Variants in EYS observed in about 807,000 individuals in gnomAD.
The protein encoded by EYS is protein eyes shut homolog.
EYS carries 250 observed loss-of-function variants against 282.1 expected under a neutral mutation model. The observed-to-expected ratio is 0.89, with a 90% CI of 0.80 to 0.98. The LOEUF is 0.98. Ranked by LOEUF, EYS falls within the 50% of genes least tolerant of loss-of-function variation. The pLI is 0.00. For missense variants in EYS, 4,016 were observed against 3,709.0 expected, an observed-to-expected ratio of 1.08 and a Z score of -2.15; for synonymous variants, 1,355 against 1,282.9, an observed-to-expected ratio of 1.06 and a Z score of -1.20.
intron 12 of EYS, among the ~76,000 whole-genome samples, chr6:65,066,826 C>G (rs182785236): frequency 2.0e-4 from 30 of 152,154 alleles, no homozygotes; most frequent in African/African-American, 6.3e-4. Context: ...TGTGAAGATA[C>G]TAATGATATA....
intron 4 of EYS, chr6:65,491,636 T>C (rs1419110103): frequency 2.5e-6 from 1 of 404,714 alleles, no homozygotes. Context: ...ATAAAAATCA[T>C]TGTGTTTCAA....
intron 15 of EYS, among the ~76,000 whole-genome samples, chr6:64,938,663 A>G (rs1412137756): frequency 6.6e-6 from 1 of 151,658 alleles, no homozygotes; most frequent in Admixed American, 6.6e-5. Flanking sequence ...AATTTATTAT[A>G]AAATAGGAAT....
chr6:64,806,505 C>A (rs940120386), intron 22 of EYS, among the ~76,000 whole-genome samples: 1 of 151,960 alleles, frequency 6.6e-6, no homozygotes, highest in African/African-American at 2.4e-5. Flanking sequence ...TTCACTTTTA[C>A]TGATTTTCCT....
chr6:65,107,294 C>CG (rs1775067184), intron 12 of EYS, among the ~76,000 whole-genome samples: 2 of 129,854 alleles, frequency 1.5e-5, no homozygotes, highest in Non-Finnish European at 3.2e-5. Context: ...GTCTGGGTTG[C>CG]ATTTTTTTTT....
chr6:65,651,412 T>C (rs1332929290), intron 1 of EYS, among the ~76,000 whole-genome samples: 2 of 152,102 alleles, frequency 1.3e-5, no homozygotes, highest in Non-Finnish European at 2.9e-5. Context: ...ACAATGTTTA[T>C]ATTAATTCAA....
At chr6:64,241,676 TG>T in intron 30 of EYS, among the ~76,000 whole-genome samples, 1 of 152,060 alleles carries the variant, frequency 6.6e-6, no homozygotes, top group Non-Finnish European at 1.5e-5. Context: ...TGTGTGTGTG[TG>T]TGTGTCTCTT....
intron 33 of EYS, among the ~76,000 whole-genome samples, chr6:64,051,689 T>C (rs981826548): frequency 4.6e-5 from 7 of 152,162 alleles, no homozygotes; most frequent in African/African-American, 1.4e-4. Context: ...ATGATTGTTC[T>C]TATAAACAGA....
At chr6:64,369,928 G>A (rs922708360) in intron 29 of EYS, among the ~76,000 whole-genome samples, 2 of 151,726 alleles carry the variant, frequency 1.3e-5, no homozygotes, top group African/African-American at 4.8e-5. Context: ...GGAGCTTTAG[G>A]GCAGAGACTA....
chr6:65,360,199 AATT>A (rs1234894452), intron 8 of EYS, among the ~76,000 whole-genome samples: 1 of 151,904 alleles, frequency 6.6e-6, no homozygotes, highest in African/African-American at 2.4e-5. Context: ...AGTACTAATA[AATT>A]ATTAACAGAT....
At chr6:64,475,348 G>A (rs1240349381) in intron 26 of EYS, among the ~76,000 whole-genome samples, 1 of 130,894 alleles carries the variant, frequency 7.6e-6, no homozygotes, top group Non-Finnish European at 1.7e-5. Context: ...TCAGGAGATC[G>A]AGACCATCCC....
intron 5 of EYS, among the ~76,000 whole-genome samples, chr6:65,477,595 G>A (rs1327640330): frequency 1.3e-5 from 2 of 152,024 alleles, no homozygotes; most frequent in African/African-American, 4.8e-5. Context: ...ATTCTACAAG[G>A]GAAGCCAATT....
chr6:63,756,786 C>A (rs1427257206), intron 41 of EYS, among the ~76,000 whole-genome samples: 1 of 152,118 alleles, frequency 6.6e-6, no homozygotes, highest in Non-Finnish European at 1.5e-5. Flanking sequence ...TAATTTCTTG[C>A]ACTTGTCTTT....
chr6:64,903,212 C>A (rs1160189868), intron 16 of EYS, among the ~76,000 whole-genome samples: 1 of 151,888 alleles, frequency 6.6e-6, no homozygotes, highest in Admixed American at 6.6e-5. Flanking sequence ...ATGTGTAAAA[C>A]CATTTTTCTT....
chr6:64,274,335 G>C (rs972980301), intron 30 of EYS, among the ~76,000 whole-genome samples: 1 of 151,628 alleles, frequency 6.6e-6, no homozygotes. Context: ...CCACCACGCC[G>C]GGCTAATTTT....
chr6:65,396,261 T>G, intron 7 of EYS, among the ~76,000 whole-genome samples: 1 of 152,200 alleles, frequency 6.6e-6, no homozygotes, highest in East Asian at 1.9e-4. Flanking sequence ...TGCTCTATAC[T>G]ACCATAATAT....
At chr6:65,052,775 G>T (rs544194367) in intron 13 of EYS, among the ~76,000 whole-genome samples, 1 of 151,550 alleles carries the variant, frequency 6.6e-6, no homozygotes, top group African/African-American at 2.4e-5. Context: ...AAAGAAATAC[G>T]TATTTGAAAT....
chr6:64,499,438 ATTTTGT>A (rs1234520477), intron 26 of EYS, among the ~76,000 whole-genome samples: 1 of 151,992 alleles, frequency 6.6e-6, no homozygotes, highest in Non-Finnish European at 1.5e-5. Flanking sequence ...TCTGGGCCTG[ATTTTGT>A]TTTCATTTGT....
At chr6:64,938,407 A>G (rs1042463686) in intron 15 of EYS, among the ~76,000 whole-genome samples, 3 of 151,486 alleles carry the variant, frequency 2.0e-5, no homozygotes, top group Middle Eastern at 3.2e-3. Flanking sequence ...TTTCTATTTA[A>G]TTAGTAGTTA....
chr6:64,389,461 T>C (rs995499034), intron 28 of EYS, among the ~76,000 whole-genome samples: 1 of 152,240 alleles, frequency 6.6e-6, no homozygotes, highest in Non-Finnish European at 1.5e-5. Context: ...TCTAGCCATA[T>C]GTTTAACTAA....
Sources: gnomAD v4.1 joint callset for allele counts (sites outside exome capture counted in the v4.1 genomes callset) on GRCh38, gnomAD v4.1.1 for gene constraint, MANE v1.5 for transcripts, NCBI Gene and HGNC (gene_info 2026-07-23, HGNC 2026-07-21) for gene names.